PAPPA: variants seen among roughly 807,000 people sequenced by gnomAD.
The protein encoded by PAPPA is pappalysin-1.
PAPPA carries 60 observed loss-of-function variants against 164.0 expected under a neutral mutation model. The ratio of observed to expected loss-of-function variants is 0.37; its 90% CI spans 0.30 to 0.45. PAPPA has a LOEUF of 0.45. Ranked by LOEUF, PAPPA falls within the 20% of genes least tolerant of loss-of-function variation. PAPPA has a pLI of 1.00. For missense variants in PAPPA, 1,782 were observed against 2,087.3 expected (o/e 0.85, Z 2.85); for synonymous variants, 875 against 814.1 (o/e 1.07, Z -1.27).
At position 116,154,554 on chromosome 9, in the gene PAPPA, G is replaced by A; in HGVS notation, c.382G>A (p.Glu128Lys). The A allele has an allele frequency of 7.1e-7, 1 of 1,407,854 alleles. No homozygotes were observed. Among genetic ancestry groups the A allele is most frequent in the Non-Finnish European group, 9.3e-7 (1 of 1,078,900 alleles). The allele number at this position is 1,407,854 out of a possible 1,614,324, so 87.2% of individuals were successfully genotyped here. A position where few individuals can be genotyped will look rare whatever the true frequency, so the allele number is the denominator to read the frequency against. Residue 128 changes from glutamate to lysine, a missense_variant, in exon 1 of 22, where the codon GAG becomes AAG. Around this residue, in one of 2 missense-constraint regions of PAPPA, gnomAD observed 458 missense variants for 430.3 expected, o/e 1.06. Coordinates refer to ENST00000328252, the MANE Select transcript of PAPPA (RefSeq NM_002581.5). This position sits in a 1 kb window ranked among gnomAD's most constrained non-coding sequence, Gnocchi z 5.2. ...CACGCTGCAAGTGTGGCTGCGAGCG[G>A]AGGGGGGCCAGAGGTCTCCGGCAGT... is the stretch of plus-strand genomic sequence containing the variant. ...AFTLQVWLRA[E>K]GGQRSPAVIT...
intron 21 of PAPPA, among the ~76,000 whole-genome samples, chr9:116,396,095 T>G (rs931000903): frequency 6.6e-6 from 1 of 152,214 alleles, no homozygotes; most frequent in African/African-American, 2.4e-5. Context: ...GGCTCTGAGA[T>G]AAGTAAGTAG....
At chr9:116,194,972 A>G (rs368658015) in intron 2 of PAPPA, among the ~76,000 whole-genome samples, 3 of 152,198 alleles carry the variant, frequency 2.0e-5, no homozygotes, top group African/African-American at 4.8e-5. Flanking sequence ...AACTTCTATC[A>G]AACTCATTGA....
At chr9:116,220,308 A>C (rs1040184784) in intron 5 of PAPPA, among the ~76,000 whole-genome samples, 179 bp downstream of exon 5, 1 of 152,168 alleles carries the variant, frequency 6.6e-6, no homozygotes, top group African/African-American at 2.4e-5. Context: ...AATGGTCATT[A>C]ATAGAAACAA....
intron 10 of PAPPA, among the ~76,000 whole-genome samples, chr9:116,329,093 T>C (rs950710768): frequency 6.6e-6 from 1 of 152,158 alleles, no homozygotes; most frequent in African/African-American, 2.4e-5. Flanking sequence ...GCCAGAACCA[T>C]TGCAAGAAGT....
Position 116,154,376 on chromosome 9 carries a change from C to T in PAPPA, c.204C>T (p.Ala68=). The change falls in exon 1 of 22, where the codon GCC becomes GCT. Residue 68 remains alanine (A), a synonymous_variant. Transcript: ENST00000328252. This position sits in a 1 kb window ranked among gnomAD's most constrained non-coding sequence, Gnocchi z 5.2. ...CGCCGCCGCCGCCGCCGGGCGGTGCCTGGGAAGCCGTGCGCGTCCCCCGGC... is the reference window on the plus strand; with the variant it reads ...CGCCGCCGCCGCCGCCGGGCGGTGCTTGGGAAGCCGTGCGCGTCCCCCGGC... ...SPPPPPPPGG[A]WEAVRVPRRR... is the part of the protein sequence containing the mutation. 4.8e-6 allele frequency: 5 copies of T among 1,044,932 alleles called. No homozygotes were observed. In the South Asian group the frequency reaches 2.0e-4, roughly 42 times the overall value. The allele number at this position is 1,044,932 out of a possible 1,614,324, so 64.7% of individuals were successfully genotyped here.
chr9:116,178,690 A>G (rs1365612222), intron 1 of PAPPA, among the ~76,000 whole-genome samples: 1 of 152,224 alleles, frequency 6.6e-6, no homozygotes, highest in Non-Finnish European at 1.5e-5. Context: ...CCATGTGCCA[A>G]GTGCTGTCAC....
intron 9 of PAPPA, chr9:116,285,941 C>G (rs1845333277): frequency 6.6e-6 from 1 of 152,208 alleles, no homozygotes; most frequent in Non-Finnish European, 1.5e-5. Context: ...TAGCTGTCAT[C>G]TCGGGCAGGT....
intron 10 of PAPPA, among the ~76,000 whole-genome samples, chr9:116,309,522 C>A (rs1345718655): frequency 6.6e-6 from 1 of 152,108 alleles, no homozygotes; most frequent in Non-Finnish European, 1.5e-5. Context: ...AATCTTTCCA[C>A]GTACACTTAT....
intron 9 of PAPPA, among the ~76,000 whole-genome samples, chr9:116,290,753 T>G (rs1845426193): frequency 6.6e-6 from 1 of 152,124 alleles, no homozygotes; most frequent in Non-Finnish European, 1.5e-5. Flanking sequence ...TGAAACTCCC[T>G]TTGTAGTTTG....
At chr9:116,350,785 T>G (rs1846271319) in intron 15 of PAPPA, among the ~76,000 whole-genome samples, 1 of 152,226 alleles carries the variant, frequency 6.6e-6, no homozygotes, top group Non-Finnish European at 1.5e-5. Flanking sequence ...AAGAAGTTTG[T>G]AGACACTGAC....
chr9:116,275,688 ATTC>A (rs1170156207), intron 9 of PAPPA, among the ~76,000 whole-genome samples: 13 of 143,174 alleles, frequency 9.1e-5, no homozygotes, highest in Admixed American at 2.1e-4. Flanking sequence ...TCTGCCTCAT[ATTC>A]TTCTCCTTTT....
intron 4 of PAPPA, among the ~76,000 whole-genome samples, chr9:116,219,397 T>C (rs961255469): frequency 6.6e-6 from 1 of 152,216 alleles, no homozygotes; most frequent in Non-Finnish European, 1.5e-5. Context: ...GAAGGTTTGT[T>C]TGAAGGGTAA....
rs1844827946 is a variant in PAPPA, at chr9:116,248,886, G to T, written c.2732+13249G>T. 6.6e-5 allele frequency among the ~76,000 whole-genome samples: 10 copies of T among 152,272 alleles called. No individual in the cohort carries two copies. In the South Asian group the frequency reaches 2.1e-3, roughly 32 times the overall value. ...ACACATCATATCTGGTATATTGAAG[G>T]TCTTTCTTTTAACTTCTAAGGTGGA... On this transcript the variant is annotated intron_variant, in intron 7 of 21. Coordinates refer to ENST00000328252, the MANE Select transcript of PAPPA (RefSeq NM_002581.5).
intron 18 of PAPPA, among the ~76,000 whole-genome samples, chr9:116,365,551 G>GT (rs56204027): frequency 0.5 from 50,988 of 101,318 alleles, 10,574 homozygotes; most frequent in Middle Eastern, 0.59. Context: ...TTTGACAACC[G>GT]TTTTTTTTTT....
chr9:116,374,038 A>G (rs774280311), intron 19 of PAPPA, among the ~76,000 whole-genome samples: 2 of 151,198 alleles, frequency 1.3e-5, no homozygotes, highest in East Asian at 1.9e-4. Context: ...GATGATATTG[A>G]CGTTGGTGGA....
chr9:116,183,739 T>C (rs1293485557), intron 1 of PAPPA, among the ~76,000 whole-genome samples: 2 of 152,194 alleles, frequency 1.3e-5, no homozygotes, highest in African/African-American at 4.8e-5. Flanking sequence ...TTTGGTTCCA[T>C]TGAAAACCTT....
At chr9:116,225,714 A>G (rs1844498157) in intron 5 of PAPPA, among the ~76,000 whole-genome samples, 1 of 152,134 alleles carries the variant, frequency 6.6e-6, no homozygotes, top group African/African-American at 2.4e-5. Flanking sequence ...ATGGTTTCAT[A>G]TTTACAATGA....
At position 116,187,748 on chromosome 9, in the gene PAPPA, T is replaced by A; in HGVS notation, c.1010T>A (p.Val337Asp). The A allele has an allele frequency of 6.2e-7, 1 of 1,614,160 alleles. No individual in the cohort carries two copies. Among genetic ancestry groups the A allele is most frequent in the Non-Finnish European group, 8.5e-7 (1 of 1,180,040 alleles). Residue 337 changes from valine to aspartate, a missense_variant, in exon 2 of 22, where the codon GTC (valine) becomes GAC (aspartate). This residue lies in a region of PAPPA where 1,324 missense variants were observed against 1,656.9 expected (regional missense o/e 0.80). Coordinates refer to ENST00000328252, the MANE Select transcript of PAPPA (RefSeq NM_002581.5). This position sits in a 1 kb window ranked among gnomAD's most constrained non-coding sequence, Gnocchi z 4.2. ...CAGACATTGTGTGACAACACAGAGG[T>A]CATTGCCAGCTACAATCAGCTCTCA... ...CGQTLCDNTE[V>D]IASYNQLSSF...
intron 9 of PAPPA, among the ~76,000 whole-genome samples, chr9:116,298,442 A>G (rs1206618339): frequency 2.6e-5 from 4 of 152,254 alleles, no homozygotes; most frequent in African/African-American, 9.6e-5. Flanking sequence ...ATGTGTCACC[A>G]CATGAAAGGG....
Sources: gnomAD v4.1 joint callset for allele counts (sites outside exome capture counted in the v4.1 genomes callset) on GRCh38, gnomAD v4.1.1 for gene constraint, gnomAD v4.1.1 regional missense constraint, Gnocchi (gnomAD v3.1) non-coding constraint, MANE v1.5 for transcripts, NCBI Gene and HGNC (gene_info 2026-07-23, HGNC 2026-07-21) for gene names.